The following CYP2U1 variants were observed in gnomAD, a reference collection of about 807,000 sequenced individuals.
CYP2U1 encodes the protein cytochrome P450 family 2 subfamily U member 1.
A neutral mutation model predicts 42.8 loss-of-function variants in CYP2U1; 28 were observed. The observed-to-expected ratio is 0.65, with a 90% CI of 0.48 to 0.90. The LOEUF is 0.90. Among genes scored for constraint, CYP2U1 ranks in the 40% least tolerant of loss-of-function variants. The pLI is 0.00. For missense variants in CYP2U1, 642 were observed against 693.8 expected, an observed-to-expected ratio of 0.93 and a Z score of 0.84; for synonymous variants, 296 against 278.9, an observed-to-expected ratio of 1.06 and a Z score of -0.61.
chr4:107,937,401 A>G (rs7689278), intron 1 of CYP2U1: 95,991 of 152,076 alleles, frequency 0.63, 30,868 homozygotes, highest in African/African-American at 0.75. Flanking sequence ...CCTATGGAAG[A>G]AAAGGGTAAA....
In CYP2U1 at chr4:107,931,663, C is replaced by T; in HGVS notation, c.20C>T (p.Ser7Leu). Reference sequence around the variant, plus strand: ...CGGACCATGTCGTCTCCGGGGCCGTCGCAGCCGCCGGCCGAGGACCCGCCC... The same window carrying T: ...CGGACCATGTCGTCTCCGGGGCCGTTGCAGCCGCCGGCCGAGGACCCGCCC... Reference protein sequence around the residue: MSSPGPSQPPAEDPPWP... With the variant: MSSPGPLQPPAEDPPWP... The change falls in exon 1 of 5, where the codon TCG (serine) becomes TTG (leucine). Residue 7 changes from serine to leucine, a missense_variant. By Grantham distance (145) the Ser-to-Leu change is moderately radical. Transcript: ENST00000332884. 7.9e-7 allele frequency: 1 copy of T among 1,259,836 alleles called. No homozygotes were observed. The highest frequency in any genetic ancestry group is 3.1e-5 in the South Asian group (1 of 31,952). 78.0% of individuals were successfully genotyped at this position (1,259,836 alleles called of 1,614,324 possible).
chr4:107,943,723 T>A (rs1254436335), intron 1 of CYP2U1, among the ~76,000 whole-genome samples: 3 of 152,158 alleles, frequency 2.0e-5, no homozygotes, highest in African/African-American at 7.2e-5. Flanking sequence ...ATGAGAAAAT[T>A]TAACCATGGA....
rs770180255 is a variant in CYP2U1 at position 107,949,384 on chromosome 4, G to C, written c.1323G>C (p.Leu441Phe). 5 of 1,590,844 alleles carry C rather than the reference G, an allele frequency of 3.1e-6. No individual in the cohort carries two copies. The highest frequency in any genetic ancestry group is 1.4e-5 in the African/African-American group (1 of 73,816). ...LQGYTIPKGTLILPNLWSVHR... is the reference protein window; with the variant it reads ...LQGYTIPKGTFILPNLWSVHR... Reference sequence around the variant, plus strand: ...GGTATACCATTCCTAAAGGCACATTGATCTTACCCAACCTGTGGTCAGTAC... The same window carrying C: ...GGTATACCATTCCTAAAGGCACATTCATCTTACCCAACCTGTGGTCAGTAC... The change falls in exon 4 of 5, where the codon TTG becomes TTC. Residue 441 changes from leucine (L) to phenylalanine (F), a missense_variant. Physicochemically the swap from Leu to Phe is conservative, Grantham distance 22. Coordinates refer to ENST00000332884, the MANE Select transcript of CYP2U1 (RefSeq NM_183075.3).
Position 107,931,693 on chromosome 4 carries a change from CCG to C in CYP2U1, c.56_57del (p.Arg19ProfsTer78). ...CCGCCGGCCGAGGACCCGCCCTGGC[CCG>C]CGCGCCTCCTGCGTGCGCCTCTGGG... On this transcript the variant is annotated frameshift_variant, in exon 1 of 5. Coordinates refer to ENST00000332884, the MANE Select transcript of CYP2U1 (RefSeq NM_183075.3). LOFTEE classifies it high-confidence loss of function. 7.5e-7 allele frequency: 1 copy of C among 1,339,300 alleles called. No individual in the cohort carries two copies. The highest frequency in any genetic ancestry group is 9.5e-7 in the Non-Finnish European group (1 of 1,054,472). The allele number at this position is 1,339,300 out of a possible 1,614,324, so 83.0% of individuals were successfully genotyped here.
intron 1 of CYP2U1, among the ~76,000 whole-genome samples, chr4:107,932,629 G>A (rs1733063743): frequency 6.6e-6 from 1 of 152,204 alleles, no homozygotes; most frequent in South Asian, 2.1e-4. Context: ...TCCGGCTTTG[G>A]TTCATAGCCT....
At chr4:107,939,790 C>T (rs571578370) in intron 1 of CYP2U1, among the ~76,000 whole-genome samples, 2 of 152,228 alleles carry the variant, frequency 1.3e-5, no homozygotes, top group South Asian at 4.2e-4. Flanking sequence ...TCACTGCCCC[C>T]ACCCCTGCAG....
intron 1 of CYP2U1, among the ~76,000 whole-genome samples, chr4:107,944,270 CATGGGGATATATAGCCTGA>C (rs1177366415): frequency 6.6e-6 from 1 of 152,092 alleles, no homozygotes; most frequent in East Asian, 1.9e-4. Flanking sequence ...GTGTTTAGAA[CATGGGGATATATAGCCTGA>C]ATTATTTTTC....
chr4:107,934,411 C>CA (rs1733175107), intron 1 of CYP2U1, among the ~76,000 whole-genome samples: 1 of 152,172 alleles, frequency 6.6e-6, no homozygotes, highest in South Asian at 2.1e-4. Flanking sequence ...TCAGCATCCT[C>CA]ATCCAAGCTA....
intron 1 of CYP2U1, among the ~76,000 whole-genome samples, chr4:107,934,372 C>T (rs188039554): frequency 6.6e-6 from 1 of 152,276 alleles, no homozygotes; most frequent in Admixed American, 6.5e-5. Flanking sequence ...ATGTGTGCTA[C>T]ATCCATCTAC....
In CYP2U1 at chr4:107,950,403, A is replaced by G. The variant is rs144144031; in HGVS notation, c.1615A>G (p.Ile539Val). The G allele has an allele frequency of 1.3e-4, 204 of 1,609,332 alleles. No homozygotes were observed. The highest frequency in any genetic ancestry group is 3.1e-4 in the Admixed American group (18 of 58,518). ...AACTTTAGCCCCACATCCATTTAAT[A>G]TAACTATTTCAAGGAGATGAAGAGC... is the stretch of plus-strand genomic sequence containing the variant. ...GLTLAPHPFN[I>V]TISRR The change falls in exon 5 of 5, where the codon ATA becomes GTA. Residue 539 changes from isoleucine (I) to valine (V), a missense_variant. By Grantham distance (29) the Ile-to-Val change is conservative. Coordinates refer to ENST00000332884, the MANE Select transcript of CYP2U1 (RefSeq NM_183075.3).
intron 1 of CYP2U1, among the ~76,000 whole-genome samples, chr4:107,934,456 C>G (rs1578712963): frequency 6.6e-6 from 1 of 152,188 alleles, no homozygotes; most frequent in East Asian, 1.9e-4. Context: ...TTTTCTAAAG[C>G]TACCATCATT....
chr4:107,936,415 T>TG (rs1733268872), intron 1 of CYP2U1: 1 of 152,396 alleles, frequency 6.6e-6, no homozygotes, highest in African/African-American at 2.4e-5. Context: ...TTAGTTATTG[T>TG]GGGAGTGGGT....
rs1732989376 is a variant in CYP2U1, at chr4:107,931,789, G to A, written c.146G>A (p.Ser49Asn). The part of the protein sequence containing the change: ...LCGLVALLGW[S>N]WLRRRRARGI... ...GGCCTCGTAGCGCTGCTGGGCTGGA[G>A]CTGGCTGCGGAGGCGCCGGGCGCGG... Residue 49 changes from serine to asparagine, a missense_variant, in exon 1 of 5, where the codon AGC becomes AAC. Physicochemically the swap from Ser to Asn is conservative, Grantham distance 46 (BLOSUM62 1). Transcript: ENST00000332884. The A allele has an allele frequency of 2.0e-6, 3 of 1,509,654 alleles. No homozygotes were observed. The highest frequency in any genetic ancestry group is 2.7e-6 in the Non-Finnish European group (3 of 1,131,586). The allele number at this position is 1,509,654 out of a possible 1,614,324, so 93.5% of individuals were successfully genotyped here. A position where few individuals can be genotyped will look rare whatever the true frequency, so the allele number is the denominator to read the frequency against.
Position 107,952,607 on chromosome 4 carries a change from A to G in CYP2U1, c.*2184A>G, listed in dbSNP as rs533676140. Reference sequence around the variant, plus strand: ...ATAAATGGAGACACCAGATCTCCCTAACCTCTGACTTCTGCCGTTAGCCAT... The same window carrying G: ...ATAAATGGAGACACCAGATCTCCCTGACCTCTGACTTCTGCCGTTAGCCAT... On this transcript the variant is annotated 3_prime_UTR_variant, in exon 5 of 5. Transcript: ENST00000332884. 6.6e-6 allele frequency: 1 copy of G among 152,344 alleles called. No individual in the cohort carries two copies. The highest frequency in any genetic ancestry group is 6.5e-5 in the Admixed American group (1 of 15,310). The allele number at this position is 152,344 out of a possible 1,614,324, so 9.4% of individuals were successfully genotyped here. A position where few individuals can be genotyped will look rare whatever the true frequency, so the allele number is the denominator to read the frequency against.
Position 107,950,440 on chromosome 4 carries a change from G to C in CYP2U1, c.*17G>C. On this transcript the variant is annotated 3_prime_UTR_variant, in exon 5 of 5. Coordinates refer to ENST00000332884, the MANE Select transcript of CYP2U1 (RefSeq NM_183075.3). ...AGGAGATGAAGAGCATCTCCAAGAA[G>C]AGATGGTAAAAAGATATATAAATAC... is the stretch of plus-strand genomic sequence containing the variant. 2 of 1,592,926 alleles carry C rather than the reference G, an allele frequency of 1.3e-6. No individual in the cohort carries two copies. The highest frequency in any genetic ancestry group is 1.7e-6 in the Non-Finnish European group (2 of 1,173,410).
In CYP2U1 at chr4:107,943,427, G is replaced by A. The variant is rs1297258956; in HGVS notation, c.491-1543G>A. ...ATCTTTAGAAATTCGCCTCCCATGC[G>A]TCCTTTCTCAGAAGCTACTAGAGGA... On this transcript the variant is annotated intron_variant, in intron 1 of 4. Transcript: ENST00000332884. Among the ~76,000 whole-genome samples the A allele has an allele frequency of 3.9e-5, 6 of 152,290 alleles. No homozygotes were observed. In the Middle Eastern group the frequency reaches 0.01, roughly 261 times the overall value.
chr4:107,932,859 A>G (rs1178811838), intron 1 of CYP2U1, among the ~76,000 whole-genome samples: 1 of 152,212 alleles, frequency 6.6e-6, no homozygotes, highest in East Asian at 1.9e-4. Flanking sequence ...CTCTGCAAGT[A>G]GGGTAGCCTC....
rs774860849 is a variant in CYP2U1, at chr4:107,932,082, T to C, written c.439T>C (p.Phe147Leu). Residue 147 changes from phenylalanine to leucine, a missense_variant, in exon 1 of 5, where the codon TTC (phenylalanine) becomes CTC (leucine). Transcript: ENST00000332884. The stretch of plus-strand genomic sequence containing the variant: ...GGCGCTGGTGCAGCAGGCCGAGGTC[T>C]TCAGCGACCGCCCGCGGGTGCCGCT... ...REALVQQAEV[F>L]SDRPRVPLIS... is the part of the protein sequence containing the mutation. 6.3e-6 allele frequency: 10 copies of C among 1,596,156 alleles called. No homozygotes were observed. Among genetic ancestry groups the C allele is most frequent in the Non-Finnish European group, 7.7e-6 (9 of 1,172,336 alleles).
intron 1 of CYP2U1, 117 bp from the exon 2 acceptor site, chr4:107,944,853 T>TATATAC: frequency 3.0e-5 from 6 of 202,718 alleles, no homozygotes; most frequent in Non-Finnish European, 5.3e-5. Context: ...TATATATATT[T>TATATAC]ATATGAGGAA....
Sources: allele counts gnomAD v4.1 joint callset (sites outside exome capture counted in the v4.1 genomes callset), GRCh38; gene constraint gnomAD v4.1.1; transcripts MANE v1.5; gene names NCBI Gene and HGNC (gene_info 2026-07-23, HGNC 2026-07-21).